Variants in SH2D4A observed in about 807,000 individuals in gnomAD.
SH2D4A encodes SH2 domain-containing protein 4A.
Under a neutral mutation model 64.7 loss-of-function variants are expected in SH2D4A, and 70 were observed. That is an observed-to-expected ratio of 1.08 (90% CI 0.89 to 1.32). The LOEUF (loss-of-function observed/expected upper bound fraction) is 1.32, where lower values mean the gene tolerates loss of function less well. SH2D4A is among the 40% of genes most tolerant of loss of function. SH2D4A has a pLI of 0.00. For synonymous variants in SH2D4A, 268 were observed against 200.7 expected (o/e 1.34, Z -2.83); for missense variants, 706 against 540.1 (o/e 1.31, Z -3.04).
At chr8:19,364,875 A>G (rs2052965413) in intron 7 of SH2D4A, among the ~76,000 whole-genome samples, 1 of 152,230 alleles carries the variant, frequency 6.6e-6, no homozygotes, top group Non-Finnish European at 1.5e-5. Flanking sequence ...ATTGTCTGCT[A>G]GGCTGTGGAA....
chr8:19,333,687 C>T (rs2052398505), intron 3 of SH2D4A, among the ~76,000 whole-genome samples: 1 of 152,158 alleles, frequency 6.6e-6, no homozygotes, highest in Admixed American at 6.5e-5. Context: ...GCACAGCTCA[C>T]TGCGGCCAGT....
intron 8 of SH2D4A, among the ~76,000 whole-genome samples, chr8:19,386,412 C>T (rs1308196156): frequency 6.6e-6 from 1 of 152,202 alleles, no homozygotes; most frequent in African/African-American, 2.4e-5. Flanking sequence ...AAAAATGTCA[C>T]TGTGTTTGCC....
chr8:19,364,226 C>T lies in SH2D4A; in HGVS notation c.861C>T (p.Pro287=), dbSNP rs2052947944. ...LRVPQKPERP[P]LPPKPQFLNS... is the part of the protein sequence containing the mutation. ...TTCCGCAGAAACCAGAAAGACCTCC[C>T]CTTCCACCCAAGCCTCAGTTCCTAA... The change falls in exon 7 of 10, where the codon CCC becomes CCT. Residue 287 remains proline (P), a synonymous_variant. Coordinates refer to ENST00000265807, the MANE Select transcript of SH2D4A (RefSeq NM_022071.4). 4 of 1,614,204 alleles carry T rather than the reference C, an allele frequency of 2.5e-6. No individual in the cohort carries two copies. Among genetic ancestry groups the T allele is most frequent in the Non-Finnish European group, 3.4e-6 (4 of 1,180,014 alleles).
chr8:19,358,581 C>G (rs2052830239), intron 5 of SH2D4A, among the ~76,000 whole-genome samples: 1 of 152,140 alleles, frequency 6.6e-6, no homozygotes, highest in African/African-American at 2.4e-5. Context: ...GAGGGAACAG[C>G]AAGTCAAAGA....
At position 19,373,538 on chromosome 8, in the gene SH2D4A, G is replaced by A. The variant is rs2153650059; in HGVS notation, c.926G>A (p.Gly309Glu). 3 of 1,583,198 alleles carry A rather than the reference G, an allele frequency of 1.9e-6. No individual in the cohort carries two copies. Among genetic ancestry groups the A allele is most frequent in the African/African-American group, 2.7e-5 (2 of 73,988 alleles). Reference protein sequence around the residue: ...AYPQKPLRNQGVVRTLSSSAQ... With the variant: ...AYPQKPLRNQEVVRTLSSSAQ... ...ACTTTTATAAATAACAGAAATCAGG[G>A]AGTGGTGAGGACACTGTCCAGCTCT... is the stretch of plus-strand genomic sequence containing the variant. The change falls in exon 8 of 10, where the codon GGA becomes GAA. Residue 309 changes from glycine to glutamate, a missense_variant. Physicochemically the swap from Gly to Glu is moderately conservative, Grantham distance 98. Coordinates refer to ENST00000265807, the MANE Select transcript of SH2D4A (RefSeq NM_022071.4).
chr8:19,333,136 C>T (rs2052390887), intron 3 of SH2D4A, 22 bp downstream of exon 3: 2 of 1,597,886 alleles, frequency 1.3e-6, no homozygotes, highest in South Asian at 1.1e-5. Flanking sequence ...GCAAACCAAC[C>T]AGAGACTTAA....
At position 19,333,032 on chromosome 8, in the gene SH2D4A, G is replaced by C. The variant is rs1453491326; in HGVS notation, c.259G>C (p.Asp87His). 1 of 1,614,030 alleles carries C rather than the reference G, an allele frequency of 6.2e-7. No homozygotes were observed. Residue 87 changes from aspartate (D) to histidine (H), a missense_variant, in exon 3 of 10, where the codon GAT (aspartate) becomes CAT (histidine). Transcript: ENST00000265807. ...WVWVMGEHHL[D>H]KPYDVLCNEI... The stretch of plus-strand genomic sequence containing the variant: ...ATGGGTGATGGGCGAACACCATCTA[G>C]ATAAACCCTATGATGTGCTCTGTAA...
intron 2 of SH2D4A, among the ~76,000 whole-genome samples, chr8:19,319,955 A>G (rs1411479388): frequency 6.6e-6 from 1 of 152,218 alleles, no homozygotes; most frequent in Non-Finnish European, 1.5e-5. Flanking sequence ...CTTTTACTTG[A>G]AACCAGACTA....
chr8:19,319,790 C>T, intron 2 of SH2D4A, 62 bp downstream of exon 2: 1 of 1,454,184 alleles, frequency 6.9e-7, no homozygotes, highest in Non-Finnish European at 9.1e-7. Context: ...CTTGCTTTGA[C>T]AATTTCACAC....
intron 4 of SH2D4A, 122 bp from the exon 5 acceptor site, chr8:19,357,081 T>C (rs1307158945): frequency 5.4e-6 from 4 of 738,822 alleles, no homozygotes; most frequent in African/African-American, 1.7e-5. Flanking sequence ...GTGGGAGCCT[T>C]GGGTGGATCC....
At chr8:19,393,177 A>C in intron 8 of SH2D4A, 141 bp from the exon 9 acceptor site, 1 of 706,168 alleles carries the variant, frequency 1.4e-6, no homozygotes, top group Non-Finnish European at 2.4e-6. Context: ...TATTCCTAAG[A>C]AGCCCAAAAC....
intron 4 of SH2D4A, among the ~76,000 whole-genome samples, chr8:19,338,137 A>C (rs569103932): frequency 1.5e-4 from 23 of 152,194 alleles, no homozygotes; most frequent in Admixed American, 2.6e-4. Flanking sequence ...GTTACTTCTC[A>C]TTGACTTTCT....
chr8:19,355,773 A>G (rs1479936963), intron 4 of SH2D4A, among the ~76,000 whole-genome samples: 2 of 152,212 alleles, frequency 1.3e-5, no homozygotes, highest in Non-Finnish European at 2.9e-5. Context: ...TTCAGTATGC[A>G]TTAGTGCTCA....
chr8:19,332,649 T>C (rs1287141974), intron 2 of SH2D4A, among the ~76,000 whole-genome samples: 3 of 133,590 alleles, frequency 2.2e-5, no homozygotes, highest in Non-Finnish European at 4.6e-5. Flanking sequence ...TGAGCCAAGA[T>C]CATGCCACTG....
rs147832873 is a variant in SH2D4A at position 19,380,431 on chromosome 8, C to G, written c.1048+6771C>G. On this transcript the variant is annotated intron_variant, in intron 8 of 9. Transcript: ENST00000265807. Reference sequence around the variant, plus strand: ...GTTGCTCGTGCCTTTGGTGTCATATCTAAGAAATCACTGCCAAATCCAATG... The same window carrying G: ...GTTGCTCGTGCCTTTGGTGTCATATGTAAGAAATCACTGCCAAATCCAATG... 3.7e-3 allele frequency among the ~76,000 whole-genome samples: 560 copies of G among 152,238 alleles called. 7 individuals are homozygous for G. Among genetic ancestry groups the G allele is most frequent in the Middle Eastern group, 0.017 (5 of 294 alleles).
At chr8:19,337,493 A>G (rs1378711982) in intron 4 of SH2D4A, among the ~76,000 whole-genome samples, 7 of 152,114 alleles carry the variant, frequency 4.6e-5, no homozygotes, top group Non-Finnish European at 7.4e-5. Flanking sequence ...TTTAGGGTGG[A>G]TCCTAAATCC....
intron 7 of SH2D4A, among the ~76,000 whole-genome samples, chr8:19,372,955 A>G (rs900352832): frequency 1.3e-5 from 2 of 152,178 alleles, no homozygotes; most frequent in Non-Finnish European, 2.9e-5. Context: ...AAACATTAGG[A>G]AAGAAATCTA....
intron 5 of SH2D4A, among the ~76,000 whole-genome samples, chr8:19,360,442 C>T (rs183077518): frequency 3.3e-4 from 50 of 151,874 alleles, no homozygotes; most frequent in Admixed American, 1.1e-3. Flanking sequence ...GGTGAAACTC[C>T]ATCTCTTCAA....
chr8:19,340,824 C>A (rs1323084029), intron 4 of SH2D4A, among the ~76,000 whole-genome samples: 2 of 152,014 alleles, frequency 1.3e-5, no homozygotes, highest in Non-Finnish European at 2.9e-5. Context: ...TCTTGAACTC[C>A]TGGGCTCGAG....
Sources: allele counts gnomAD v4.1 joint callset (sites outside exome capture counted in the v4.1 genomes callset), GRCh38; gene constraint gnomAD v4.1.1; transcripts MANE v1.5; gene names NCBI Gene and HGNC (gene_info 2026-07-23, HGNC 2026-07-21).